The following TMEM132C variants were observed in gnomAD, a reference collection of about 807,000 sequenced individuals.
TMEM132C encodes the protein transmembrane protein 132C.
TMEM132C carries 29 observed loss-of-function variants against 61.4 expected under a neutral mutation model. The ratio of observed to expected loss-of-function variants is 0.47; its 90% CI spans 0.35 to 0.64. The LOEUF (loss-of-function observed/expected upper bound fraction) is 0.64, where lower values mean the gene tolerates loss of function less well. Among genes scored for constraint, TMEM132C ranks in the 30% least tolerant of loss-of-function variants. The probability of loss-of-function intolerance (pLI) is 0.00; values close to 1 mark genes in which losing one functional copy is unlikely to be tolerated. For synonymous variants in TMEM132C, 656 were observed against 633.1 expected (o/e 1.04, Z -0.54); for missense variants, 1,408 against 1,476.9 (o/e 0.95, Z 0.76).
intron 2 of TMEM132C, among the ~76,000 whole-genome samples, chr12:128,499,494 C>T (rs1293229017): frequency 1.3e-5 from 2 of 152,162 alleles, no homozygotes; most frequent in Admixed American, 6.5e-5. Flanking sequence ...CTACTGCATA[C>T]TAGAACTTAT....
At chr12:128,486,723 G>A (rs959227925) in intron 2 of TMEM132C, among the ~76,000 whole-genome samples, 2 of 152,090 alleles carry the variant, frequency 1.3e-5, no homozygotes, top group Non-Finnish European at 1.5e-5. Flanking sequence ...GCCTCTCAGC[G>A]CTTGGGCAGT....
intron 1 of TMEM132C, among the ~76,000 whole-genome samples, chr12:128,357,692 C>CA (rs751246246): frequency 0.063 from 4,479 of 70,748 alleles, 115 homozygotes; most frequent in African/African-American, 0.075. Flanking sequence ...GACTCCGTCT[C>CA]AAAAAAAAAA....
At chr12:128,561,824 C>T (rs1874531726) in intron 3 of TMEM132C, among the ~76,000 whole-genome samples, 4 of 152,264 alleles carry the variant, frequency 2.6e-5, no homozygotes, top group Admixed American at 2.6e-4. Context: ...TGGTTTGGTG[C>T]CTCTGCTCTG....
chr12:128,640,681 A>G (rs1349143137), intron 4 of TMEM132C, among the ~76,000 whole-genome samples: 1 of 152,212 alleles, frequency 6.6e-6, no homozygotes, highest in Non-Finnish European at 1.5e-5. Flanking sequence ...AGATCACTTG[A>G]ACCCAGGAGT....
intron 2 of TMEM132C, among the ~76,000 whole-genome samples, chr12:128,501,836 G>C (rs533590620): frequency 1.3e-5 from 2 of 152,328 alleles, no homozygotes; most frequent in Admixed American, 1.3e-4. Context: ...AAAGAAACCT[G>C]TTAAACCTTA....
chr12:128,526,498 C>G (rs1330949712), intron 2 of TMEM132C, among the ~76,000 whole-genome samples: 1 of 152,196 alleles, frequency 6.6e-6, no homozygotes, highest in Admixed American at 6.5e-5. Context: ...AAGCCAACAC[C>G]TTGGGAGTTA....
At chr12:128,529,636 A>G (rs1264593381) in intron 2 of TMEM132C, among the ~76,000 whole-genome samples, 4 of 152,114 alleles carry the variant, frequency 2.6e-5, no homozygotes, top group Non-Finnish European at 4.4e-5. Flanking sequence ...ATACAAAAAA[A>G]TTAGCCGGGC....
chr12:128,604,304 G>A (rs1208316351), intron 3 of TMEM132C, among the ~76,000 whole-genome samples: 7 of 152,082 alleles, frequency 4.6e-5, no homozygotes, highest in Admixed American at 2.0e-4. Flanking sequence ...GATGGGATGA[G>A]TGGATGGATG....
chr12:128,632,174 C>T (rs1954070043), intron 4 of TMEM132C, among the ~76,000 whole-genome samples: 1 of 152,220 alleles, frequency 6.6e-6, no homozygotes, highest in South Asian at 2.1e-4. Flanking sequence ...CACAGACCCT[C>T]ATCCCTTGGC....
intron 1 of TMEM132C, among the ~76,000 whole-genome samples, chr12:128,382,064 A>G (rs903890997): frequency 6.6e-6 from 1 of 151,398 alleles, no homozygotes; most frequent in African/African-American, 2.4e-5. Context: ...TAGGTACACA[A>G]ATAATACATT....
chr12:128,523,105 A>G (rs1872962120), intron 2 of TMEM132C, among the ~76,000 whole-genome samples: 1 of 152,222 alleles, frequency 6.6e-6, no homozygotes, highest in Non-Finnish European at 1.5e-5. Context: ...GACTCACATT[A>G]CAACATGGAT....
intron 2 of TMEM132C, among the ~76,000 whole-genome samples, chr12:128,483,260 C>A (rs560475109): frequency 1.6e-4 from 2 of 12,180 alleles, no homozygotes; most frequent in Non-Finnish European, 3.4e-4. Context: ...AGAGCAAGAC[C>A]CTGTCTCAAA....
At chr12:128,366,190 C>T (rs961442459) in intron 1 of TMEM132C, among the ~76,000 whole-genome samples, 5 of 152,180 alleles carry the variant, frequency 3.3e-5, no homozygotes, top group African/African-American at 9.7e-5. Flanking sequence ...GCCTGTGTCG[C>T]CCGCGGCTCT....
At chr12:128,540,867 C>T (rs538926536) in intron 2 of TMEM132C, among the ~76,000 whole-genome samples, 1 of 152,262 alleles carries the variant, frequency 6.6e-6, no homozygotes, top group East Asian at 1.9e-4. Context: ...AGGGCTCACT[C>T]CCCAGGACTG....
At chr12:128,441,416 G>A (rs12300057) in intron 2 of TMEM132C, among the ~76,000 whole-genome samples, 18,393 of 152,224 alleles carry the variant, frequency 0.12, 1,498 homozygotes, top group African/African-American at 0.23. Context: ...CAAGGCGATG[G>A]CTTAGTAAAC....
At chr12:128,381,445 A>G (rs1874394229) in intron 1 of TMEM132C, among the ~76,000 whole-genome samples, 1 of 152,200 alleles carries the variant, frequency 6.6e-6, no homozygotes, top group Admixed American at 6.5e-5. Context: ...GCCGGTCTTC[A>G]GGGAGAAGCG....
intron 1 of TMEM132C, among the ~76,000 whole-genome samples, chr12:128,396,235 C>T (rs1191016948): frequency 6.6e-6 from 1 of 152,130 alleles, no homozygotes; most frequent in Non-Finnish European, 1.5e-5. Flanking sequence ...AATAACACTT[C>T]TTGGAGATCT....
chr12:128,594,474 G>C (rs1385492843), intron 3 of TMEM132C, among the ~76,000 whole-genome samples: 1 of 151,544 alleles, frequency 6.6e-6, no homozygotes, highest in Non-Finnish European at 1.5e-5. Flanking sequence ...GCAGGTGCTT[G>C]GTGGGTGTTT....
intron 5 of TMEM132C, among the ~76,000 whole-genome samples, chr12:128,688,574 C>T (rs1441243496): frequency 6.6e-6 from 1 of 151,982 alleles, no homozygotes; most frequent in Non-Finnish European, 1.5e-5. Flanking sequence ...AAAGTTCCAG[C>T]AAAAGAACAA....
Sources: gnomAD v4.1 joint callset for allele counts (sites outside exome capture counted in the v4.1 genomes callset) on GRCh38, gnomAD v4.1.1 for gene constraint, MANE v1.5 for transcripts, NCBI Gene and HGNC (gene_info 2026-07-23, HGNC 2026-07-21) for gene names.